DROSHA: variants seen among roughly 807,000 people sequenced by gnomAD.
DROSHA encodes the protein drosha ribonuclease III, also known as ribonuclease 3.
Under a neutral mutation model 181.9 loss-of-function variants are expected in DROSHA, and 56 were observed. The observed-to-expected ratio is 0.31, with a 90% confidence interval of 0.25 to 0.38. The LOEUF (loss-of-function observed/expected upper bound fraction) is 0.38. Ranked by LOEUF, DROSHA falls within the 10% of genes least tolerant of loss-of-function variation. The probability of loss-of-function intolerance (pLI) is 1.00; values close to 1 mark genes in which losing one functional copy is unlikely to be tolerated. For synonymous variants in DROSHA, 524 were observed against 591.2 expected, an observed-to-expected ratio of 0.89 and a Z score of 1.65; for missense variants, 1,218 against 1,743.5, an observed-to-expected ratio of 0.70 and a Z score of 5.37.
chr5:31,442,547 A>T (rs1465819354), intron 23 of DROSHA, among the ~76,000 whole-genome samples: 1 of 152,232 alleles, frequency 6.6e-6, no homozygotes, highest in African/African-American at 2.4e-5. Context: ...ATTAACTGTA[A>T]CATTTATACA....
chr5:31,446,032 C>T (rs188029714), intron 23 of DROSHA, among the ~76,000 whole-genome samples: 7 of 152,300 alleles, frequency 4.6e-5, no homozygotes, highest in Admixed American at 4.6e-4. Flanking sequence ...CTAAGGAATC[C>T]ACTAAAAGAC....
At chr5:31,433,878 A>G (rs1211733780) in intron 25 of DROSHA, among the ~76,000 whole-genome samples, 2 of 152,166 alleles carry the variant, frequency 1.3e-5, no homozygotes, top group Admixed American at 1.3e-4. Flanking sequence ...AAAAGGATAG[A>G]GTGGTGTGCT....
At chr5:31,505,705 T>A (rs1580330357) in intron 10 of DROSHA, 1 of 152,322 alleles carries the variant, frequency 6.6e-6, no homozygotes, top group East Asian at 1.9e-4. Context: ...GTGTAATGGA[T>A]TTTACAAGTA....
At chr5:31,402,116 G>T (rs748804959) in intron 35 of DROSHA, among the ~76,000 whole-genome samples, 1 of 152,190 alleles carries the variant, frequency 6.6e-6, no homozygotes, top group Non-Finnish European at 1.5e-5. Flanking sequence ...ATGATGACAG[G>T]CCCAAAGCTG....
chr5:31,453,074 A>T (rs1427002181), intron 20 of DROSHA, among the ~76,000 whole-genome samples: 50 of 152,220 alleles, frequency 3.3e-4, no homozygotes, highest in Admixed American at 3.2e-3. Context: ...ATTCAGTGCA[A>T]CTGCCTTTCT....
At chr5:31,444,288 G>A (rs1460948469) in intron 23 of DROSHA, among the ~76,000 whole-genome samples, 2 of 152,132 alleles carry the variant, frequency 1.3e-5, no homozygotes, top group Non-Finnish European at 2.9e-5. Context: ...ACAGACACTT[G>A]GGGTCAACTC....
chr5:31,433,559 C>A (rs1168068188), intron 25 of DROSHA, among the ~76,000 whole-genome samples: 1 of 150,284 alleles, frequency 6.7e-6, no homozygotes, highest in Non-Finnish European at 1.5e-5. Flanking sequence ...TTTTTTTTTT[C>A]TTTGAGAAGG....
chr5:31,415,104 A>T (rs1338835674), intron 30 of DROSHA, among the ~76,000 whole-genome samples: 1 of 152,206 alleles, frequency 6.6e-6, no homozygotes, highest in Admixed American at 6.5e-5. Flanking sequence ...TAAGAAAAAG[A>T]TTTATTCGTT....
In DROSHA at chr5:31,464,341, T is replaced by G. The variant is rs750947717; in HGVS notation, c.2469A>C (p.Glu823Asp). 4.3e-5 allele frequency: 70 copies of G among 1,612,654 alleles called. No individual in the cohort carries two copies. The highest frequency in any genetic ancestry group is 5.8e-5 in the Non-Finnish European group (68 of 1,179,334). Reference protein sequence around the residue: ...TDKQKLAQREEALQKIRQKNT... With the variant: ...TDKQKLAQREDALQKIRQKNT... ...TCTTCTGCCGTATTTTTTGGAGGGC[T>G]TCCTAGAAAAGAATTCATTATGATG... The change falls in exon 20 of 36, where the codon GAA (glutamate) becomes GAC (aspartate). Residue 823 changes from glutamate (E) to aspartate (D), a missense_variant and splice_region_variant. Glu to Asp is a conservative substitution (Grantham distance 45). This residue lies in a region of DROSHA where 460 missense variants were observed against 774.2 expected (regional missense o/e 0.59). Transcript: ENST00000344624.
At chr5:31,506,475 C>T (rs767187930) in intron 10 of DROSHA, among the ~76,000 whole-genome samples, 6 of 151,418 alleles carry the variant, frequency 4.0e-5, no homozygotes, top group Admixed American at 6.6e-5. Flanking sequence ...GTCAGGAGTT[C>T]GAGAACAGCC....
chr5:31,412,970 T>A (rs985557076), intron 30 of DROSHA, among the ~76,000 whole-genome samples: 1 of 152,178 alleles, frequency 6.6e-6, no homozygotes, highest in African/African-American at 2.4e-5. Flanking sequence ...TCCGAATATA[T>A]GCTTTCGGTA....
chr5:31,451,695 T>A, intron 20 of DROSHA, 55 bp from the exon 21 acceptor site: 1 of 1,383,856 alleles, frequency 7.2e-7, no homozygotes, highest in Non-Finnish European at 1.0e-6. Flanking sequence ...TAAAGTCACT[T>A]CATTTATTTT....
chr5:31,500,839 T>C (rs934514093), intron 11 of DROSHA, among the ~76,000 whole-genome samples: 3 of 152,160 alleles, frequency 2.0e-5, no homozygotes, highest in Non-Finnish European at 4.4e-5. Context: ...CAAAGAGTCA[T>C]GGAAATAGTT....
intron 11 of DROSHA, among the ~76,000 whole-genome samples, chr5:31,501,400 A>G (rs907931941): frequency 1.3e-5 from 2 of 152,018 alleles, no homozygotes; most frequent in African/African-American, 4.8e-5. Context: ...GCTACTCAAC[A>G]CTGGGTCCTT....
chr5:31,468,456 CTATT>C (rs890978463), intron 17 of DROSHA, among the ~76,000 whole-genome samples: 1 of 152,210 alleles, frequency 6.6e-6, no homozygotes, highest in African/African-American at 2.4e-5. Flanking sequence ...ACAGATGCCT[CTATT>C]TAAGTTTTTT....
At chr5:31,436,590 G>A (rs191738412) in intron 24 of DROSHA, among the ~76,000 whole-genome samples, 1 of 152,054 alleles carries the variant, frequency 6.6e-6, no homozygotes, top group African/African-American at 2.4e-5. Flanking sequence ...ATGTGGTTTC[G>A]CCATGTTGGC....
chr5:31,482,813 ACT>A (rs1751186922), intron 16 of DROSHA, among the ~76,000 whole-genome samples: 2 of 148,510 alleles, frequency 1.3e-5, no homozygotes, highest in Admixed American at 6.7e-5. Context: ...CATTAAAAAT[ACT>A]TTTTTTTTTT....
At chr5:31,421,126 A>T (rs1742609637) in intron 30 of DROSHA, 146 bp downstream of exon 30, 2 of 644,220 alleles carry the variant, frequency 3.1e-6, no homozygotes, top group East Asian at 2.7e-5. Flanking sequence ...CTTTGTATAC[A>T]ATTTGCACAA....
chr5:31,523,993 AAAC>A (rs1561295523), intron 5 of DROSHA, among the ~76,000 whole-genome samples: 1 of 126,348 alleles, frequency 7.9e-6, no homozygotes, highest in African/African-American at 2.8e-5. Context: ...AAAAAAAAAA[AAAC>A]AACAAAAAAA....
Sources: gnomAD v4.1 joint callset for allele counts (sites outside exome capture counted in the v4.1 genomes callset) on GRCh38, gnomAD v4.1.1 for gene constraint, gnomAD v4.1.1 regional missense constraint, MANE v1.5 for transcripts, NCBI Gene and HGNC (gene_info 2026-07-23, HGNC 2026-07-21) for gene names.